The following NOL11 variants were observed in gnomAD, a reference collection of about 807,000 sequenced individuals.
NOL11 encodes nucleolar protein 11.
Under a neutral mutation model 93.0 loss-of-function variants are expected in NOL11, and 42 were observed. That is an observed-to-expected ratio of 0.45 (90% CI 0.35 to 0.58). The LOEUF (loss-of-function observed/expected upper bound fraction) is 0.58, where lower values mean the gene tolerates loss of function less well. Ranked by LOEUF, NOL11 falls within the 20% of genes least tolerant of loss-of-function variation. NOL11 has a pLI of 0.00. For synonymous variants in NOL11, 296 were observed against 293.7 expected, an observed-to-expected ratio of 1.01 and a Z score of -0.08; for missense variants, 775 against 841.8, an observed-to-expected ratio of 0.92 and a Z score of 0.98.
In NOL11 at chr17:67,737,937, A is replaced by G. The variant is rs747270268; in HGVS notation, c.1494A>G (p.Glu498=). The part of the protein sequence containing the change: ...LCLQQFPDIP[E]SVTCACLKIF... Reference sequence around the variant, plus strand: ...TACAGCAGTTCCCTGACATTCCTGAATCAGTCACCTGTGCTTGCTTAAAAA... The same window carrying G: ...TACAGCAGTTCCCTGACATTCCTGAGTCAGTCACCTGTGCTTGCTTAAAAA... Residue 498 remains glutamate, a synonymous_variant, in exon 13 of 18, where the codon GAA becomes GAG. Coordinates refer to ENST00000253247, the MANE Select transcript of NOL11 (RefSeq NM_015462.5). 6.2e-7 allele frequency: 1 copy of G among 1,613,240 alleles called. No homozygotes were observed. The highest frequency in any genetic ancestry group is 8.5e-7 in the Non-Finnish European group (1 of 1,179,784).
intron 1 of NOL11, chr17:67,719,157 G>C (rs2043198652): frequency 6.6e-6 from 1 of 152,068 alleles, no homozygotes; most frequent in African/African-American, 2.4e-5. Flanking sequence ...CCAGAACTTC[G>C]GGAGGCCCAG....
chr17:67,736,803 A>C (rs777515571), intron 10 of NOL11, 49 bp downstream of exon 10: 1 of 1,251,312 alleles, frequency 8.0e-7, no homozygotes, highest in Non-Finnish European at 1.2e-6. Flanking sequence ...GTTGAAAAAC[A>C]GAAAAAGACT....
rs751675054 is a variant in NOL11 at position 67,737,093 on chromosome 17, T to C, written c.1166T>C (p.Val389Ala). The stretch of plus-strand genomic sequence containing the variant: ...CAGTTAAGGAGACGAAAAATTGAAG[T>C]GAGTTTACAGCCAGAGGTTCCACCA... Reference protein sequence around the residue: ...RRILRRRKIEVSLQPEVPPSK... With the variant: ...RRILRRRKIEASLQPEVPPSK... Residue 389 changes from valine (V) to alanine (A), a missense_variant, in exon 11 of 18, where the codon GTG becomes GCG. Coordinates refer to ENST00000253247, the MANE Select transcript of NOL11 (RefSeq NM_015462.5). 6.2e-7 allele frequency: 1 copy of C among 1,610,938 alleles called. No individual in the cohort carries two copies. The highest frequency in any genetic ancestry group is 1.1e-5 in the South Asian group (1 of 90,984).
intron 9 of NOL11, 143 bp from the exon 10 acceptor site, chr17:67,736,523 A>G: frequency 1.7e-6 from 1 of 595,976 alleles, no homozygotes; most frequent in Non-Finnish European, 3.0e-6. Context: ...TGATTTTCTT[A>G]TCTGAGGTTA....
chr17:67,730,402 A>G (rs1317566675), intron 7 of NOL11, among the ~76,000 whole-genome samples: 1 of 152,162 alleles, frequency 6.6e-6, no homozygotes, highest in African/African-American at 2.4e-5. Flanking sequence ...CTGGGACTAC[A>G]GGTGGGTGCC....
chr17:67,728,262 AAAAT>A (rs577432921), intron 7 of NOL11, among the ~76,000 whole-genome samples: 15 of 152,266 alleles, frequency 9.9e-5, no homozygotes, highest in East Asian at 5.8e-4. Context: ...TCCGTCTCAG[AAAAT>A]AAATAAATAA....
intron 9 of NOL11, 87 bp from the exon 10 acceptor site, chr17:67,736,579 G>T (rs1032841304): frequency 2.2e-5 from 18 of 810,118 alleles, no homozygotes; most frequent in Non-Finnish European, 3.0e-5. Context: ...TGTATGAGTG[G>T]TTTTTTTTAA....
intron 5 of NOL11, among the ~76,000 whole-genome samples, 185 bp from the exon 6 acceptor site, chr17:67,723,864 C>T (rs890472115): frequency 6.6e-6 from 1 of 152,066 alleles, no homozygotes; most frequent in Non-Finnish European, 1.5e-5. Flanking sequence ...TGAGATCACA[C>T]CACGGTAGCC....
chr17:67,732,796 A>G (rs933947360), intron 7 of NOL11, among the ~76,000 whole-genome samples: 1 of 150,456 alleles, frequency 6.6e-6, no homozygotes, highest in Non-Finnish European at 1.5e-5. Flanking sequence ...CTGGTCTCCA[A>G]CTCCTGAGCT....
At chr17:67,730,654 T>G (rs997431561) in intron 7 of NOL11, among the ~76,000 whole-genome samples, 2 of 152,336 alleles carry the variant, frequency 1.3e-5, no homozygotes, top group African/African-American at 4.8e-5. Flanking sequence ...TTTTTTAATT[T>G]TTATGGGTAC....
intron 6 of NOL11, among the ~76,000 whole-genome samples, chr17:67,724,853 T>TC (rs2143092245): frequency 6.6e-6 from 1 of 152,166 alleles, no homozygotes; most frequent in African/African-American, 2.4e-5. Flanking sequence ...GGTCAGGAGA[T>TC]CGAGACCATC....
In NOL11 at chr17:67,718,089, G is replaced by A. The variant is rs1244664680; in HGVS notation, c.141+1G>A. 1.2e-6 allele frequency: 2 copies of A among 1,613,764 alleles called. No individual in the cohort carries two copies. The highest frequency in any genetic ancestry group is 1.3e-5 in the African/African-American group (1 of 74,918). On this transcript the variant is annotated splice_donor_variant, in intron 1 of 17. Coordinates refer to ENST00000253247, the MANE Select transcript of NOL11 (RefSeq NM_015462.5). LOFTEE classifies it high-confidence loss of function. ...CGGCAGGACAGTCATCCTCTATAAG[G>A]TGAAGGCAATAGGTTTGGGAGCGCC...
intron 8 of NOL11, among the ~76,000 whole-genome samples, chr17:67,734,939 A>G (rs2055187688): frequency 6.6e-6 from 1 of 152,242 alleles, no homozygotes; most frequent in Non-Finnish European, 1.5e-5. Context: ...AATTTTTGCC[A>G]GAACAATTAG....
rs528745278 is a variant in NOL11, at chr17:67,721,715, A to G, written c.461+189A>G. The stretch of plus-strand genomic sequence containing the variant: ...TGAAGATTGAAGAAACCATAGAGTC[A>G]TATGAAGTCTTGACAGAACTGGATA... On this transcript the variant is annotated intron_variant, in intron 4 of 17. Coordinates refer to ENST00000253247, the MANE Select transcript of NOL11 (RefSeq NM_015462.5). Among the ~76,000 whole-genome samples, 106 of 152,364 alleles carry G rather than the reference A, an allele frequency of 7.0e-4. 2 individuals carry two copies. Among genetic ancestry groups the G allele is most frequent in the Middle Eastern group, 3.4e-3 (1 of 294 alleles).
Position 67,721,526 on chromosome 17 carries a change from AGTAAGTTCCAGTACTT to A in NOL11, c.461+7_461+22del, listed in dbSNP as rs1379904212. 6.2e-7 allele frequency: 1 copy of A among 1,608,830 alleles called. No homozygotes were observed. The highest frequency in any genetic ancestry group is 8.5e-7 in the Non-Finnish European group (1 of 1,177,688). On this transcript the variant is annotated splice_donor_variant and splice_donor_5th_base_variant and intron_variant, in intron 4 of 17. Transcript: ENST00000253247. LOFTEE classifies it high-confidence loss of function. ...GTTATCTCTGATGAAGAAGTGATTA[AGTAAGTTCCAGTACTT>A]GTAAGTAAATTTATCAAAATAAAAA...
chr17:67,719,922 A>C lies in NOL11; in HGVS notation c.272A>C (p.Asn91Thr), dbSNP rs1013343356. The change falls in exon 3 of 18, where the codon AAT becomes ACT. Residue 91 changes from asparagine to threonine, a missense_variant. Physicochemically the swap from Asn to Thr is moderately conservative, Grantham distance 65 (BLOSUM62 0). This residue lies in a region of NOL11 where 359 missense variants were observed against 316.5 expected (regional missense o/e 1.13). Transcript: ENST00000253247. ...TGATTTAAGGTTTTAAGAATATGGA[A>C]TAATGAAGATGTAAACCTGGATAAA... Reference protein sequence around the residue: ...VHDNKVLRIWNNEDVNLDKVF... With the variant: ...VHDNKVLRIWTNEDVNLDKVF... The C allele has an allele frequency of 6.4e-7, 1 of 1,573,764 alleles. No homozygotes were observed. The highest frequency in any genetic ancestry group is 1.2e-5 in the South Asian group (1 of 85,822).
chr17:67,742,056 T>C (rs1187665084), intron 16 of NOL11, among the ~76,000 whole-genome samples: 1 of 152,270 alleles, frequency 6.6e-6, no homozygotes, highest in Non-Finnish European at 1.5e-5. Flanking sequence ...TATTCTTGTA[T>C]ATTTATGAGA....
In NOL11 at chr17:67,717,976, T is replaced by C. The variant is rs539405439; in HGVS notation, c.29T>C (p.Leu10Ser). 1,722 of 1,614,216 alleles carry C rather than the reference T, an allele frequency of 1.1e-3. 23 individuals carry two copies. The South Asian group carries it at 0.018, about 17-fold the overall frequency. MAALEEEFT[L>S]SSVVLSAGPE... Reference sequence around the variant, plus strand: ...GCAGCGCTGGAGGAAGAATTCACGTTGTCTTCGGTAGTCCTGAGCGCCGGG... The same window carrying C: ...GCAGCGCTGGAGGAAGAATTCACGTCGTCTTCGGTAGTCCTGAGCGCCGGG... The change falls in exon 1 of 18, where the codon TTG (leucine) becomes TCG (serine). Residue 10 changes from leucine (L) to serine (S), a missense_variant. By Grantham distance (145) the Leu-to-Ser change is moderately radical. Transcript: ENST00000253247.
intron 7 of NOL11, among the ~76,000 whole-genome samples, chr17:67,727,484 C>G (rs1010628321): frequency 3.9e-5 from 6 of 151,962 alleles, no homozygotes; most frequent in Admixed American, 3.3e-4. Flanking sequence ...ATGGAGAAAC[C>G]CCGTCTCTAT....
Sources: gnomAD v4.1 joint callset for allele counts (sites outside exome capture counted in the v4.1 genomes callset) on GRCh38, gnomAD v4.1.1 for gene constraint, gnomAD v4.1.1 regional missense constraint, MANE v1.5 for transcripts, NCBI Gene and HGNC (gene_info 2026-07-23, HGNC 2026-07-21) for gene names.